The following FKBP8 variants were observed in gnomAD, a reference collection of about 807,000 sequenced individuals.
FKBP8 encodes the protein FKBP prolyl isomerase 8.
A neutral mutation model predicts 41.7 loss-of-function variants in FKBP8; 5 were observed. The ratio of observed to expected loss-of-function variants is 0.12; its 90% CI spans 0.06 to 0.25. The LOEUF (loss-of-function observed/expected upper bound fraction) is 0.25, where lower values mean the gene tolerates loss of function less well. Among genes scored for constraint, FKBP8 ranks in the 10% least tolerant of loss-of-function variants. The probability of loss-of-function intolerance (pLI) is 1.00; values close to 1 mark genes in which losing one functional copy is unlikely to be tolerated. For synonymous variants in FKBP8, 279 were observed against 254.5 expected (o/e 1.10, Z -0.92); for missense variants, 397 against 563.0 (o/e 0.71, Z 2.98).
chr19:18,537,253 G>A lies in FKBP8; in HGVS notation c.945+348C>T, dbSNP rs1315610411. Among the ~76,000 whole-genome samples the A allele has an allele frequency of 6.6e-6, 1 of 152,086 alleles. No individual in the cohort carries two copies. The highest frequency in any genetic ancestry group is 1.9e-4 in the East Asian group (1 of 5,188). ...CTTGGGAGGTTGAGGCAGGACAATC[G>A]CTTGAACCCAGGAGGAGGAGGTTGC... On this transcript the variant is annotated intron_variant, in intron 6 of 8. Coordinates refer to ENST00000608443, the MANE Select transcript of FKBP8 (RefSeq NM_012181.5). This position sits in a 1 kb window ranked among gnomAD's most constrained non-coding sequence, Gnocchi z 4.4.
intron 1 of FKBP8, chr19:18,542,620 T>C: frequency 4.0e-6 from 1 of 248,564 alleles, no homozygotes; most frequent in South Asian, 3.3e-5. Flanking sequence ...ACTCTGAATC[T>C]AACACTATCC....
At position 18,537,206 on chromosome 19, in the gene FKBP8, C is replaced by T. The variant is rs1179611702; in HGVS notation, c.945+395G>A. Among the ~76,000 whole-genome samples the T allele has an allele frequency of 6.6e-6, 1 of 152,096 alleles. No individual in the cohort carries two copies. The highest frequency in any genetic ancestry group is 2.4e-5 in the African/African-American group (1 of 41,406). On this transcript the variant is annotated intron_variant, in intron 6 of 8. Coordinates refer to ENST00000608443, the MANE Select transcript of FKBP8 (RefSeq NM_012181.5). The surrounding 1 kb of genome is among the most constrained non-coding windows in gnomAD (Gnocchi z 4.4). ...TACAAAAATTAACTGGGTGTGGTGG[C>T]TCGCACCTGTAGTCCCAGCTACTTG...
intron 6 of FKBP8, among the ~76,000 whole-genome samples, chr19:18,536,928 G>T (rs148054406): frequency 6.6e-6 from 1 of 152,324 alleles, no homozygotes; most frequent in East Asian, 1.9e-4. Context: ...TGAGGTGGGA[G>T]AAGTGATAGC....
intron 1 of FKBP8, chr19:18,543,007 C>A: frequency 1.3e-6 from 1 of 796,174 alleles, no homozygotes; most frequent in South Asian, 1.6e-5. Flanking sequence ...CAACCACCAC[C>A]GCCCCCAGCA....
intron 7 of FKBP8, 126 bp from the exon 8 acceptor site, chr19:18,532,921 C>T: frequency 1.4e-6 from 2 of 1,445,006 alleles, no homozygotes; most frequent in South Asian, 2.8e-5. Context: ...CCATCTGCCC[C>T]TTTCTGGGCT....
rs539205072 is a variant in FKBP8, at chr19:18,541,896, C to T, written c.75G>A (p.Glu25=). 525 of 1,614,058 alleles carry T rather than the reference C, an allele frequency of 3.3e-4. 6 individuals carry two copies. The South Asian group carries it at 5.5e-3, about 17-fold the overall frequency. ...CTGCATCCTCAACCCCATCCAGTAC[C>T]TCGAAGTCCTCGAGCGGTGGGACCC... ...PAGVPPLEDF[E]VLDGVEDAEG... is the part of the protein sequence containing the mutation. The change falls in exon 2 of 9, where the codon GAG becomes GAA. Residue 25 remains glutamate, a synonymous_variant. Transcript: ENST00000608443.
At chr19:18,536,155 G>A (rs1290910527) in intron 6 of FKBP8, 1 of 152,016 alleles carries the variant, frequency 6.6e-6, no homozygotes, top group African/African-American at 2.4e-5. Context: ...ATCCCAGCTG[G>A]AGGGAGCCCC....
rs557807527 is a variant in FKBP8, at chr19:18,537,403, G to C, written c.945+198C>G. ...CAAAGGTTGGGGACCCAAGACTCGA[G>C]GATCAAATTCTGGCCTCAGCCAATG... On this transcript the variant is annotated intron_variant, in intron 6 of 8. Transcript: ENST00000608443. This position sits in a 1 kb window ranked among gnomAD's most constrained non-coding sequence, Gnocchi z 4.4. 6.6e-6 allele frequency among the ~76,000 whole-genome samples: 1 copy of C among 152,300 alleles called. No individual in the cohort carries two copies. The highest frequency in any genetic ancestry group is 2.1e-4 in the South Asian group (1 of 4,832).
Position 18,538,144 on chromosome 19 carries a change from G to C in FKBP8, c.772+72C>G. ...AATATTCTGAGTCTGAGGCTCTCTG[G>C]GGCTGGAAGTTTCTGGCACGGAGTG... On this transcript the variant is annotated intron_variant, in intron 5 of 8. Transcript: ENST00000608443. This position sits in a 1 kb window ranked among gnomAD's most constrained non-coding sequence, Gnocchi z 4.0. 1 of 1,459,338 alleles carries C rather than the reference G, an allele frequency of 6.9e-7. No homozygotes were observed. The highest frequency in any genetic ancestry group is 9.4e-7 in the Non-Finnish European group (1 of 1,067,762). 90.4% of individuals were successfully genotyped at this position (1,459,338 alleles called of 1,614,324 possible).
intron 1 of FKBP8, chr19:18,542,776 G>T: frequency 1.6e-6 from 1 of 623,082 alleles, no homozygotes; most frequent in Non-Finnish European, 2.5e-6. Context: ...CCTCTTCCTT[G>T]CCCCAGACCT....
intron 6 of FKBP8, chr19:18,536,080 G>A (rs1442603578): frequency 6.6e-6 from 1 of 152,112 alleles, no homozygotes; most frequent in African/African-American, 2.4e-5. Flanking sequence ...TTCAAAAACA[G>A]GAACTGCATC....
In FKBP8 at chr19:18,532,696, G is replaced by A; in HGVS notation, c.1123C>T (p.Leu375=). 6.2e-7 allele frequency: 1 copy of A among 1,614,054 alleles called. No individual in the cohort carries two copies. Among genetic ancestry groups the A allele is most frequent in the Non-Finnish European group, 8.5e-7 (1 of 1,180,034 alleles). Residue 375 remains leucine (L), a synonymous_variant, in exon 8 of 9, where the codon CTG becomes TTG. Transcript: ENST00000608443. ...YRKMLGNPSR[L]PAKCPGKGAW... ...CCCTTGCCAGGGCACTTAGCAGGCA[G>A]CCGGCTGGGGTTGCCCAGCATTTTC... is the stretch of plus-strand genomic sequence containing the variant.
chr19:18,541,652 G>T, intron 2 of FKBP8, 27 bp downstream of exon 2: 1 of 1,575,512 alleles, frequency 6.3e-7, no homozygotes, highest in Non-Finnish European at 8.6e-7. Flanking sequence ...AGGGCCAAGG[G>T]CACCCTGATC....
At chr19:18,540,005 T>G (rs1379220455) in intron 2 of FKBP8, among the ~76,000 whole-genome samples, 4 of 151,974 alleles carry the variant, frequency 2.6e-5, no homozygotes, top group African/African-American at 9.7e-5. Flanking sequence ...TTTTTTGTTT[T>G]TTTTTTTTAA....
At position 18,538,836 on chromosome 19, in the gene FKBP8, A is replaced by G. The variant is rs1184879365; in HGVS notation, c.552-400T>C. On this transcript the variant is annotated intron_variant, in intron 4 of 8. Transcript: ENST00000608443. This position sits in a 1 kb window ranked among gnomAD's most constrained non-coding sequence, Gnocchi z 4.0. ...TTTTTTTTTTTTTTTTTTTTTTTTG[A>G]GACAGTCTTGCTCTCTTGCCCAGGC... 1.8e-4 allele frequency among the ~76,000 whole-genome samples: 12 copies of G among 67,690 alleles called. No homozygotes were observed. Among genetic ancestry groups the G allele is most frequent in the Non-Finnish European group, 2.5e-4 (9 of 36,422 alleles). The allele number at this position is 67,690 out of a possible 152,430, so 44.4% of individuals were successfully genotyped here.
chr19:18,533,230 C>T, intron 7 of FKBP8, 40 bp downstream of exon 7: 1 of 1,513,512 alleles, frequency 6.6e-7, no homozygotes, highest in African/African-American at 1.4e-5. Flanking sequence ...GGAGGGACTT[C>T]CCAGCCGAGC....
chr19:18,539,897 CA>C (rs541902063), intron 2 of FKBP8, among the ~76,000 whole-genome samples, 177 bp from the exon 3 acceptor site: 58 of 152,352 alleles, frequency 3.8e-4, no homozygotes, highest in African/African-American at 1.3e-3. Flanking sequence ...TGGGGAACCC[CA>C]CGTGCAGGAC....
chr19:18,532,929 G>A (rs1478370229), intron 7 of FKBP8, 134 bp from the exon 8 acceptor site: 1 of 1,412,952 alleles, frequency 7.1e-7, no homozygotes, highest in East Asian at 2.4e-5. Context: ...CCCTTTCTGG[G>A]CTTAGCAAAG....
Position 18,537,609 on chromosome 19 carries a change from T to C in FKBP8, c.937A>G (p.Lys313Glu). Residue 313 changes from lysine to glutamate, a missense_variant, in exon 6 of 9, where the codon AAG (lysine) becomes GAG (glutamate). Physicochemically the swap from Lys to Glu is moderately conservative, Grantham distance 56. This residue lies in a region of FKBP8 where 225 missense variants were observed against 366.8 expected (regional missense o/e 0.61). Coordinates refer to ENST00000608443, the MANE Select transcript of FKBP8 (RefSeq NM_012181.5). This position sits in a 1 kb window ranked among gnomAD's most constrained non-coding sequence, Gnocchi z 4.4. ...QPDNIKALFR[K>E]GKVLAQQGEY... The stretch of plus-strand genomic sequence containing the variant: ...ACCCCGGTGTGGCCTACCTTGCCCT[T>C]GCGGAAGAGAGCCTTGATGTTGTCT... 1 of 1,597,382 alleles carries C rather than the reference T, an allele frequency of 6.3e-7. No homozygotes were observed. Among genetic ancestry groups the C allele is most frequent in the Non-Finnish European group, 8.6e-7 (1 of 1,169,486 alleles).
Sources: gnomAD v4.1 joint callset for allele counts (sites outside exome capture counted in the v4.1 genomes callset) on GRCh38, gnomAD v4.1.1 for gene constraint, gnomAD v4.1.1 regional missense constraint, Gnocchi (gnomAD v3.1) non-coding constraint, MANE v1.5 for transcripts, NCBI Gene and HGNC (gene_info 2026-07-23, HGNC 2026-07-21) for gene names.